Variants in KCNQ3 observed in about 807,000 individuals in gnomAD.
KCNQ3 encodes potassium voltage-gated channel subfamily KQT member 3.
A neutral mutation model predicts 92.5 loss-of-function variants in KCNQ3; 30 were observed. That is an observed-to-expected ratio of 0.32 (90% CI 0.24 to 0.44). KCNQ3 has a LOEUF of 0.44. KCNQ3 is among the 20% of genes least tolerant of loss of function. The probability of loss-of-function intolerance (pLI) is 1.00; values close to 1 mark genes in which losing one functional copy is unlikely to be tolerated. For synonymous variants in KCNQ3, 450 were observed against 468.8 expected, an observed-to-expected ratio of 0.96 and a Z score of 0.52; for missense variants, 913 against 1,140.3, an observed-to-expected ratio of 0.80 and a Z score of 2.87.
Position 132,125,936 on chromosome 8 carries a change from C to T in KCNQ3, c.*3326G>A, listed in dbSNP as rs1824650225. On this transcript the variant is annotated 3_prime_UTR_variant, in exon 15 of 15. Coordinates refer to ENST00000388996, the MANE Select transcript of KCNQ3 (RefSeq NM_004519.4). ...CTTTTGATATTTGCTTTTGTGCTGA[C>T]ATTTGATAGTCAAAACTCAAACGAT... 2 of 152,160 alleles carry T rather than the reference C, an allele frequency of 1.3e-5. No homozygotes were observed. The highest frequency in any genetic ancestry group is 2.4e-5 in the African/African-American group (1 of 41,422). The allele number at this position is 152,160 out of a possible 1,614,324, so 9.4% of individuals were successfully genotyped here.
rs1305803798 is a variant in KCNQ3 at position 132,123,130 on chromosome 8, C to T, written c.*6132G>A. On this transcript the variant is annotated 3_prime_UTR_variant, in exon 15 of 15. Transcript: ENST00000388996. Reference sequence around the variant, plus strand: ...CATGCCTGACTTCCTAAAATCAAAACCATAGGGATTTATCAAGAAGAAACC... The same window carrying T: ...CATGCCTGACTTCCTAAAATCAAAATCATAGGGATTTATCAAGAAGAAACC... 2 of 152,260 alleles carry T rather than the reference C, an allele frequency of 1.3e-5. No individual in the cohort carries two copies. Among genetic ancestry groups the T allele is most frequent in the East Asian group, 1.9e-4 (1 of 5,180 alleles). 9.4% of individuals were successfully genotyped at this position (152,260 alleles called of 1,614,324 possible).
chr8:132,477,279 A>G (rs1480177291), intron 1 of KCNQ3, among the ~76,000 whole-genome samples: 2 of 151,960 alleles, frequency 1.3e-5, no homozygotes, highest in African/African-American at 4.8e-5. Flanking sequence ...ATTGATTTCC[A>G]TATTTCCTGT....
At chr8:132,320,577 C>A (rs1448236851) in intron 1 of KCNQ3, among the ~76,000 whole-genome samples, 2 of 152,076 alleles carry the variant, frequency 1.3e-5, no homozygotes, top group Non-Finnish European at 2.9e-5. Context: ...TTCTTCCTGT[C>A]CCTATTACCC....
intron 1 of KCNQ3, among the ~76,000 whole-genome samples, chr8:132,192,964 C>T (rs1482889957): frequency 2.6e-5 from 4 of 152,122 alleles, no homozygotes; most frequent in Non-Finnish European, 1.5e-5. Context: ...ATAGTCTTGA[C>T]TGTTTCCTTT....
chr8:132,361,642 A>G (rs1359294743), intron 1 of KCNQ3, among the ~76,000 whole-genome samples: 1 of 152,212 alleles, frequency 6.6e-6, no homozygotes, highest in Non-Finnish European at 1.5e-5. Context: ...TAAAAGGGTC[A>G]ACATTAATAG....
At chr8:132,318,047 A>T (rs1169430788) in intron 1 of KCNQ3, among the ~76,000 whole-genome samples, 2 of 152,106 alleles carry the variant, frequency 1.3e-5, no homozygotes, top group Non-Finnish European at 2.9e-5. Context: ...GCTCATTCCC[A>T]CTCAGCTGGT....
chr8:132,405,205 C>T (rs146061131), intron 1 of KCNQ3, among the ~76,000 whole-genome samples: 4 of 152,194 alleles, frequency 2.6e-5, no homozygotes, highest in Admixed American at 1.3e-4. Flanking sequence ...GAGATTGGCT[C>T]CTCTTGACGA....
chr8:132,425,810 T>C (rs1821094366), intron 1 of KCNQ3, among the ~76,000 whole-genome samples: 1 of 152,352 alleles, frequency 6.6e-6, no homozygotes, highest in Non-Finnish European at 1.5e-5. Context: ...GGGGCACAAC[T>C]CCTGTCAGCT....
intron 1 of KCNQ3, among the ~76,000 whole-genome samples, chr8:132,343,233 A>C (rs147608229): frequency 1.3e-5 from 2 of 152,320 alleles, no homozygotes; most frequent in African/African-American, 4.8e-5. Context: ...TCACTTATTC[A>C]TTCTTTATTA....
intron 12 of KCNQ3, among the ~76,000 whole-genome samples, chr8:132,137,025 T>TG (rs1222023604): frequency 9.8e-4 from 87 of 88,504 alleles, no homozygotes; most frequent in African/African-American, 3.1e-3. Flanking sequence ...CCACCATGCC[T>TG]GGATTTTTTT....
intron 1 of KCNQ3, among the ~76,000 whole-genome samples, chr8:132,399,436 A>T (rs886218146): frequency 6.6e-6 from 1 of 152,082 alleles, no homozygotes; most frequent in Non-Finnish European, 1.5e-5. Context: ...ACTTCCTCTT[A>T]TCCCATCCCT....
At chr8:132,459,147 G>A (rs1013141025) in intron 1 of KCNQ3, among the ~76,000 whole-genome samples, 5 of 152,114 alleles carry the variant, frequency 3.3e-5, no homozygotes, top group African/African-American at 1.2e-4. Context: ...TAATTAAACG[G>A]GGGTTATGGG....
intron 1 of KCNQ3, among the ~76,000 whole-genome samples, chr8:132,318,795 C>A (rs1227313030): frequency 1.3e-5 from 2 of 152,166 alleles, no homozygotes; most frequent in African/African-American, 2.4e-5. Context: ...GGAAACACTG[C>A]GTTAGGCACT....
chr8:132,202,733 A>G (rs1827500052), intron 1 of KCNQ3, among the ~76,000 whole-genome samples: 1 of 152,104 alleles, frequency 6.6e-6, no homozygotes, highest in Admixed American at 6.6e-5. Flanking sequence ...AATGGCTTTT[A>G]CCACTTGTAT....
intron 1 of KCNQ3, among the ~76,000 whole-genome samples, chr8:132,271,515 A>G (rs1452414446): frequency 6.6e-6 from 1 of 152,076 alleles, no homozygotes; most frequent in Non-Finnish European, 1.5e-5. Context: ...ACTTGTAGTA[A>G]CTTCCCTTAA....
At chr8:132,181,749 C>T (rs78731358) in intron 3 of KCNQ3, among the ~76,000 whole-genome samples, 2,620 of 152,212 alleles carry the variant, frequency 0.017, 73 homozygotes, top group African/African-American at 0.059. Flanking sequence ...TATCAAGGCA[C>T]ATTTGCCAAA....
chr8:132,281,727 G>A (rs1175677523), intron 1 of KCNQ3, among the ~76,000 whole-genome samples: 1 of 144,548 alleles, frequency 6.9e-6, no homozygotes, highest in Admixed American at 6.7e-5. Flanking sequence ...CCACCACCAT[G>A]TTTACTGCAG....
intron 1 of KCNQ3, among the ~76,000 whole-genome samples, chr8:132,332,518 CAT>C (rs1818259484): frequency 6.6e-6 from 1 of 152,186 alleles, no homozygotes; most frequent in South Asian, 2.1e-4. Flanking sequence ...ATTCCTTTGC[CAT>C]ATGATAGTCT....
chr8:132,167,403 T>C (rs78771083), intron 8 of KCNQ3, among the ~76,000 whole-genome samples: 1,984 of 152,318 alleles, frequency 0.013, 41 homozygotes, highest in African/African-American at 0.044. Context: ...AACTGTTCAC[T>C]TTAAAAGGGT....
Sources: gnomAD v4.1 joint callset for allele counts (sites outside exome capture counted in the v4.1 genomes callset) on GRCh38, gnomAD v4.1.1 for gene constraint, MANE v1.5 for transcripts, NCBI Gene and HGNC (gene_info 2026-07-23, HGNC 2026-07-21) for gene names.